Variants in ZNF438 observed in about 807,000 individuals in gnomAD.
ZNF438 encodes the protein zinc finger protein 438.
In ZNF438, 25 loss-of-function variants were observed where a neutral mutation model predicts 38.0. The ratio of observed to expected loss-of-function variants is 0.66; its 90% CI spans 0.48 to 0.92. The LOEUF is 0.92. Ranked by LOEUF, ZNF438 falls within the 40% of genes least tolerant of loss-of-function variation. The probability of loss-of-function intolerance (pLI) is 0.00; values close to 1 mark genes in which losing one functional copy is unlikely to be tolerated. For missense variants in ZNF438, 1,007 were observed against 999.6 expected, an observed-to-expected ratio of 1.01 and a Z score of -0.10; for synonymous variants, 372 against 364.1, an observed-to-expected ratio of 1.02 and a Z score of -0.25.
intron 2 of ZNF438, among the ~76,000 whole-genome samples, chr10:30,928,379 A>G (rs1351894699): frequency 6.6e-6 from 1 of 152,194 alleles, no homozygotes; most frequent in Non-Finnish European, 1.5e-5. Flanking sequence ...TCAGAAGAAA[A>G]TAACATTCAG....
chr10:30,937,549 T>G (rs2046383838), intron 2 of ZNF438, among the ~76,000 whole-genome samples: 1 of 152,214 alleles, frequency 6.6e-6, no homozygotes, highest in African/African-American at 2.4e-5. Context: ...GACGGGTACA[T>G]GAGTAGACAA....
intron 2 of ZNF438, among the ~76,000 whole-genome samples, chr10:30,912,305 G>T (rs747809313): frequency 6.6e-6 from 1 of 151,982 alleles, no homozygotes; most frequent in Non-Finnish European, 1.5e-5. Flanking sequence ...CATCTTACTG[G>T]ACATGTTAGC....
At chr10:30,878,092 C>G (rs919875931) in intron 3 of ZNF438, among the ~76,000 whole-genome samples, 1 of 152,136 alleles carries the variant, frequency 6.6e-6, no homozygotes, top group African/African-American at 2.4e-5. Context: ...CAGACAGGGG[C>G]GGGTCCCCAG....
chr10:30,934,587 T>C (rs1160431187), intron 2 of ZNF438, among the ~76,000 whole-genome samples: 1 of 152,260 alleles, frequency 6.6e-6, no homozygotes, highest in African/African-American at 2.4e-5. Context: ...CAGAAACTTG[T>C]AAACATTTTT....
intron 3 of ZNF438, among the ~76,000 whole-genome samples, chr10:30,894,362 C>A (rs2041069829): frequency 6.6e-6 from 1 of 152,192 alleles, no homozygotes; most frequent in African/African-American, 2.4e-5. Context: ...AGTTCAGGTT[C>A]CTACCGTCTT....
chr10:30,977,167 T>C (rs968688182), intron 1 of ZNF438, among the ~76,000 whole-genome samples: 2 of 152,228 alleles, frequency 1.3e-5, no homozygotes, highest in Admixed American at 1.3e-4. Context: ...AAAGGAACTC[T>C]TGGCATGTAA....
chr10:30,997,045 T>C (rs892137336), intron 1 of ZNF438, among the ~76,000 whole-genome samples: 6 of 151,742 alleles, frequency 4.0e-5, no homozygotes, highest in African/African-American at 1.5e-4. Context: ...CTAAAGAAAA[T>C]AATACCCAGA....
intron 3 of ZNF438, among the ~76,000 whole-genome samples, chr10:30,899,772 T>G (rs2041774903): frequency 6.6e-6 from 1 of 152,048 alleles, no homozygotes; most frequent in African/African-American, 2.4e-5. Context: ...ACTTACACAA[T>G]CTACTAGAGT....
chr10:30,901,751 T>C (rs960768178), intron 3 of ZNF438, among the ~76,000 whole-genome samples: 2 of 151,670 alleles, frequency 1.3e-5, no homozygotes, highest in African/African-American at 4.8e-5. Context: ...GGGTTCTTGG[T>C]CTCACTGACT....
At chr10:30,891,013 T>C (rs1426639392) in intron 3 of ZNF438, among the ~76,000 whole-genome samples, 1 of 152,192 alleles carries the variant, frequency 6.6e-6, no homozygotes, top group Non-Finnish European at 1.5e-5. Flanking sequence ...TGTGAAGAAA[T>C]CCAAAGCCAC....
intron 2 of ZNF438, among the ~76,000 whole-genome samples, chr10:30,910,609 T>C (rs1415168364): frequency 6.6e-6 from 1 of 151,626 alleles, no homozygotes; most frequent in Admixed American, 6.6e-5. Flanking sequence ...AGAAAGCAAC[T>C]TTATATGTTA....
chr10:30,891,624 A>G (rs1271114567), intron 3 of ZNF438, among the ~76,000 whole-genome samples: 3 of 152,164 alleles, frequency 2.0e-5, no homozygotes, highest in Non-Finnish European at 2.9e-5. Flanking sequence ...AGATGTATCA[A>G]TATTAAGTTT....
chr10:30,865,885 T>C (rs935638365), intron 4 of ZNF438, among the ~76,000 whole-genome samples: 1 of 152,228 alleles, frequency 6.6e-6, no homozygotes, highest in African/African-American at 2.4e-5. Context: ...TAGATTAGAT[T>C]AGTGTTTCTC....
chr10:30,847,595 C>T (rs1262953726), intron 5 of ZNF438, among the ~76,000 whole-genome samples: 3 of 142,788 alleles, frequency 2.1e-5, no homozygotes, highest in Non-Finnish European at 4.7e-5. Flanking sequence ...ACGCCTCTTG[C>T]TTGCCACACA....
intron 1 of ZNF438, among the ~76,000 whole-genome samples, chr10:30,945,284 A>C (rs1025506346): frequency 1.3e-4 from 20 of 151,930 alleles, no homozygotes; most frequent in Admixed American, 5.9e-4. Context: ...CAATACTGCT[A>C]GTATTATCTC....
intron 1 of ZNF438, among the ~76,000 whole-genome samples, chr10:31,015,612 C>T (rs1204982034): frequency 6.6e-6 from 1 of 152,174 alleles, no homozygotes; most frequent in Non-Finnish European, 1.5e-5. Flanking sequence ...CCACTGCACT[C>T]CAGCCTGGGT....
intron 1 of ZNF438, among the ~76,000 whole-genome samples, chr10:31,000,618 T>C (rs17295535): frequency 0.082 from 12,527 of 152,218 alleles, 612 homozygotes; most frequent in Non-Finnish European, 0.11. Context: ...TGTAGCCCAC[T>C]GTTCACCCAG....
In ZNF438 at chr10:30,854,154, C is replaced by A. The variant is rs1235793322; in HGVS notation, c.38-3787G>T. On this transcript the variant is annotated intron_variant, in intron 4 of 5. Coordinates refer to ENST00000413025, the Ensembl canonical transcript of ZNF438. Reference sequence around the variant, plus strand: ...CTAACATGGTGAAACCCCGTCTCTACTAAAAATACAAAAAAATTAGCTGGG... The same window carrying A: ...CTAACATGGTGAAACCCCGTCTCTAATAAAAATACAAAAAAATTAGCTGGG... Among the ~76,000 whole-genome samples the A allele has an allele frequency of 2.0e-5, 3 of 151,930 alleles. No individual in the cohort carries two copies. The East Asian group carries it at 5.8e-4, about 29-fold the overall frequency.
intron 1 of ZNF438, among the ~76,000 whole-genome samples, chr10:30,949,733 C>T (rs960067383): frequency 2.0e-5 from 3 of 151,694 alleles, no homozygotes; most frequent in African/African-American, 7.3e-5. Flanking sequence ...ACAGGAGCAC[C>T]CAGATTCATA....
Sources: gnomAD v4.1 joint callset for allele counts (sites outside exome capture counted in the v4.1 genomes callset) on GRCh38, gnomAD v4.1.1 for gene constraint, MANE v1.5 for transcripts, NCBI Gene and HGNC (gene_info 2026-07-23, HGNC 2026-07-21) for gene names.